The following MPP7 variants were observed in gnomAD, a reference collection of about 807,000 sequenced individuals.
MPP7 encodes MAGUK p55 subfamily member 7.
A neutral mutation model predicts 76.5 loss-of-function variants in MPP7; 60 were observed. The observed-to-expected ratio is 0.78, with a 90% confidence interval of 0.64 to 0.97. MPP7 has a LOEUF of 0.97. Among genes scored for constraint, MPP7 ranks in the 50% least tolerant of loss-of-function variants. The probability of loss-of-function intolerance (pLI) is 0.00; values close to 1 mark genes in which losing one functional copy is unlikely to be tolerated. For synonymous variants in MPP7, 237 were observed against 244.5 expected, an observed-to-expected ratio of 0.97 and a Z score of 0.29; for missense variants, 641 against 694.0, an observed-to-expected ratio of 0.92 and a Z score of 0.86.
chr10:28,227,546 T>C (rs1838737053), intron 2 of MPP7, among the ~76,000 whole-genome samples: 1 of 152,092 alleles, frequency 6.6e-6, no homozygotes, highest in South Asian at 2.1e-4. Context: ...AGCTCCCACT[T>C]ACAAGAGAAA....
At chr10:28,306,747 T>C (rs1246762148), upstream of MPP7, among the ~76,000 whole-genome samples, 1 of 151,856 alleles carries the variant, frequency 6.6e-6, no homozygotes, top group Non-Finnish European at 1.5e-5. Flanking sequence ...AGATAGATAA[T>C]AGATCGTTGA....
intron 8 of MPP7, among the ~76,000 whole-genome samples, chr10:28,121,134 T>C (rs1443812264): frequency 6.6e-6 from 1 of 151,970 alleles, no homozygotes; most frequent in Non-Finnish European, 1.5e-5. Context: ...AAAACCCCTG[T>C]CTCTACAAAA....
At chr10:28,161,757 C>A (rs185903807) in intron 3 of MPP7, among the ~76,000 whole-genome samples, 2 of 152,064 alleles carry the variant, frequency 1.3e-5, no homozygotes, top group African/African-American at 4.8e-5. Flanking sequence ...AATTATTTCC[C>A]CAACTTTTCA....
At chr10:28,294,435 T>C (rs879470921) in intron 1 of MPP7, among the ~76,000 whole-genome samples, 6 of 152,248 alleles carry the variant, frequency 3.9e-5, no homozygotes, top group African/African-American at 1.4e-4. Flanking sequence ...ATACCTGTTA[T>C]ATAAAATGTA....
At chr10:28,136,976 A>T in intron 5 of MPP7, among the ~76,000 whole-genome samples, 1 of 152,188 alleles carries the variant, frequency 6.6e-6, no homozygotes, top group East Asian at 1.9e-4. Flanking sequence ...ATGATGAAAA[A>T]AGTATAAACC....
In MPP7 at chr10:28,143,904, A is replaced by T. The variant is rs77027388; in HGVS notation, c.315+3579T>A. Among the ~76,000 whole-genome samples the T allele has an allele frequency of 8.0e-4, 84 of 105,368 alleles. 1 individual carries two copies. Among genetic ancestry groups the T allele is most frequent in the South Asian group, 2.8e-3 (6 of 2,130 alleles). The allele number at this position is 105,368 out of a possible 152,430, so 69.1% of individuals were successfully genotyped here. A position where few individuals can be genotyped will look rare whatever the true frequency, so the allele number is the denominator to read the frequency against. ...GTGTGTGTGTGTGTGTGTGTGTGTG[A>T]GACTGAGTTTCACTCTTTCACCCAG... On this transcript the variant is annotated intron_variant, in intron 5 of 16. Transcript: ENST00000683449.
chr10:28,301,400 GT>G (rs1841151779), intron 1 of MPP7, among the ~76,000 whole-genome samples: 1 of 152,116 alleles, frequency 6.6e-6, no homozygotes, highest in African/African-American at 2.4e-5. Flanking sequence ...ACTTTTGTTT[GT>G]TTTGCCTGTG....
rs184155503 is a variant in MPP7 at position 28,264,479 on chromosome 10, G to C, written c.-131-25744C>G. Among the ~76,000 whole-genome samples, 8 of 152,114 alleles carry C rather than the reference G, an allele frequency of 5.3e-5. No homozygotes were observed. In the East Asian group the frequency reaches 1.2e-3, roughly 22 times the overall value. The stretch of plus-strand genomic sequence containing the variant: ...ACCAGAAACCCCACCACGTGAGAAG[G>C]CTGCACTTTAAATTAGACCGTCCTG... On this transcript the variant is annotated intron_variant, in intron 1 of 16. Coordinates refer to ENST00000683449, the MANE Select transcript of MPP7 (RefSeq NM_001318170.2).
chr10:28,057,931 C>T (rs1851627928), intron 15 of MPP7: 1 of 1,128,180 alleles, frequency 8.9e-7, no homozygotes, highest in African/African-American at 1.7e-5. Flanking sequence ...GCCTCATCCA[C>T]TGAAGTTCTC....
At chr10:28,170,486 T>C (rs1399155117) in intron 3 of MPP7, among the ~76,000 whole-genome samples, 1 of 151,852 alleles carries the variant, frequency 6.6e-6, no homozygotes, top group Non-Finnish European at 1.5e-5. Flanking sequence ...ATTTTCTTTA[T>C]CATCGCTGCC....
upstream of MPP7, among the ~76,000 whole-genome samples, chr10:28,306,326 T>C (rs1181727674): frequency 6.6e-6 from 1 of 152,190 alleles, no homozygotes; most frequent in Non-Finnish European, 1.5e-5. Flanking sequence ...AAGCTATCTC[T>C]TCACCCTAAT....
chr10:28,130,228 A>G (rs1835149584), intron 6 of MPP7, among the ~76,000 whole-genome samples: 1 of 152,176 alleles, frequency 6.6e-6, no homozygotes, highest in African/African-American at 2.4e-5. Context: ...GAACTCATAA[A>G]CCATTCCAAA....
intron 11 of MPP7, among the ~76,000 whole-genome samples, chr10:28,106,925 A>G (rs1324358165): frequency 6.6e-6 from 1 of 152,218 alleles, no homozygotes; most frequent in Non-Finnish European, 1.5e-5. Flanking sequence ...AATGTATAAT[A>G]TAATACATCT....
At chr10:28,286,426 C>T (rs759558153) in intron 1 of MPP7, among the ~76,000 whole-genome samples, 14 of 152,176 alleles carry the variant, frequency 9.2e-5, no homozygotes, top group Non-Finnish European at 1.9e-4. Context: ...TGGAAAACTA[C>T]AGCACAGCTG....
intron 1 of MPP7, among the ~76,000 whole-genome samples, chr10:28,258,484 C>T (rs904450845): frequency 6.7e-6 from 1 of 150,298 alleles, no homozygotes; most frequent in African/African-American, 2.4e-5. Flanking sequence ...ACTGAAACCT[C>T]AGCCTCCCAG....
intron 11 of MPP7, among the ~76,000 whole-genome samples, chr10:28,115,875 A>G (rs773497004): frequency 5.9e-5 from 9 of 152,226 alleles, no homozygotes; most frequent in Non-Finnish European, 1.2e-4. Flanking sequence ...AAATTCTACA[A>G]TAAAATATTT....
intron 16 of MPP7, 56 bp downstream of exon 16, chr10:28,056,424 G>A: frequency 6.4e-7 from 1 of 1,551,020 alleles, no homozygotes; most frequent in South Asian, 1.2e-5. Context: ...CTCCCAAAGT[G>A]CTGGGATTAC....
chr10:28,112,784 A>AC (rs1446485217), intron 11 of MPP7, among the ~76,000 whole-genome samples: 1 of 152,192 alleles, frequency 6.6e-6, no homozygotes, highest in African/African-American at 2.4e-5. Flanking sequence ...CAATACACAA[A>AC]CTTATTTAAT....
At chr10:28,234,294 T>C (rs537067430) in intron 2 of MPP7, among the ~76,000 whole-genome samples, 1 of 152,180 alleles carries the variant, frequency 6.6e-6, no homozygotes, top group South Asian at 2.1e-4. Context: ...AAAGTAGTCA[T>C]GGCTTATAAC....
Sources: gnomAD v4.1 joint callset for allele counts (sites outside exome capture counted in the v4.1 genomes callset) on GRCh38, gnomAD v4.1.1 for gene constraint, MANE v1.5 for transcripts, NCBI Gene and HGNC (gene_info 2026-07-23, HGNC 2026-07-21) for gene names.